HTT-AS: variants seen among roughly 807,000 people sequenced by gnomAD.
HTT-AS encodes HTT antisense RNA (head to head).
At chr4:3,068,455 C>T (rs569895211) in intron 1 of HTT-AS, among the ~76,000 whole-genome samples, 2 of 152,098 alleles carry the variant, frequency 1.3e-5, no homozygotes, top group South Asian at 2.1e-4. Context: ...GAAAGATTTC[C>T]GCAATAGAAG....
At chr4:3,071,816 C>T (rs1471220062) in intron 1 of HTT-AS, among the ~76,000 whole-genome samples, 1 of 152,110 alleles carries the variant, frequency 6.6e-6, no homozygotes, top group African/African-American at 2.4e-5. Context: ...CGTGAGGACA[C>T]CAAGAAAGGC....
At chr4:3,058,268 G>A (rs1484667260) in intron 2 of HTT-AS, among the ~76,000 whole-genome samples, 1 of 151,962 alleles carries the variant, frequency 6.6e-6, no homozygotes, top group African/African-American at 2.4e-5. Flanking sequence ...CGAGGTTGTG[G>A]TGAGCCGAGA....
intron 1 of HTT-AS, among the ~76,000 whole-genome samples, chr4:3,069,150 GTTT>G (rs35603397): frequency 6.9e-6 from 1 of 144,534 alleles, no homozygotes. Flanking sequence ...AACGGTGTAT[GTTT>G]TTTTTTTTTT....
intron 1 of HTT-AS, among the ~76,000 whole-genome samples, chr4:3,068,915 A>G (rs534259311): frequency 4.6e-5 from 7 of 152,078 alleles, no homozygotes; most frequent in Non-Finnish European, 8.8e-5. Flanking sequence ...TGGGCCTCCC[A>G]AAGTGCTAGG....
intron 1 of HTT-AS, among the ~76,000 whole-genome samples, chr4:3,066,378 C>T (rs1461793599): frequency 6.6e-6 from 1 of 152,270 alleles, no homozygotes; most frequent in East Asian, 1.9e-4. Flanking sequence ...CCATGTTGGC[C>T]AGGATGGTCT....
intron 2 of HTT-AS, among the ~76,000 whole-genome samples, chr4:3,059,672 C>T (rs969805044): frequency 2.0e-5 from 3 of 152,010 alleles, no homozygotes; most frequent in Non-Finnish European, 4.4e-5. Flanking sequence ...CCACTGCAAC[C>T]TCCACCTCCC....
chr4:3,069,708 G>A (rs1488990214), intron 1 of HTT-AS, among the ~76,000 whole-genome samples: 14 of 152,176 alleles, frequency 9.2e-5, no homozygotes, highest in African/African-American at 2.9e-4. Context: ...CGCCCCCGCC[G>A]CTGTCCTGCG....
intron 2 of HTT-AS, among the ~76,000 whole-genome samples, chr4:3,054,757 C>T (rs1274579915): frequency 2.0e-5 from 3 of 151,646 alleles, no homozygotes; most frequent in African/African-American, 7.3e-5. Flanking sequence ...CTCTGTCACC[C>T]AGGCTGGAGT....
In HTT-AS at chr4:3,073,104, G is replaced by A. The variant is rs58848332; in HGVS notation, n.113+1322C>T. Among the ~76,000 whole-genome samples, 22 of 152,322 alleles carry A rather than the reference G, an allele frequency of 1.4e-4. No individual in the cohort carries two copies. In the East Asian group the frequency reaches 3.9e-3, roughly 27 times the overall value. On this transcript the variant is annotated intron_variant and non_coding_transcript_variant, in intron 1 of 2. Coordinates refer to ENST00000664062, the Ensembl canonical transcript of HTT-AS. ...TGCTGTCCTTCTCAAGAAAAGGGAG[G>A]CTACTGCTACCCCACTGGGGACAAT... is the stretch of plus-strand genomic sequence containing the variant.
exon 2 of HTT-AS, among the ~76,000 whole-genome samples, chr4:3,062,701 G>A (rs535133517): frequency 2.6e-4 from 39 of 151,798 alleles, no homozygotes; most frequent in Middle Eastern, 6.8e-3. Flanking sequence ...GGGTAAGTGC[G>A]GTTCTCTGGA....
intron 2 of HTT-AS, among the ~76,000 whole-genome samples, chr4:3,058,360 A>T (rs1265852211): frequency 6.6e-6 from 1 of 152,140 alleles, no homozygotes; most frequent in Non-Finnish European, 1.5e-5. Flanking sequence ...ATATAGGGTA[A>T]CTTCTATATG....
At chr4:3,061,986 T>C in intron 2 of HTT-AS, among the ~76,000 whole-genome samples, 1 of 63,420 alleles carries the variant, frequency 1.6e-5, no homozygotes, top group Admixed American at 2.1e-4. Context: ...TATCTCAAAT[T>C]AAAAAAAAAA....
rs375651285 is a variant in HTT-AS, at chr4:3,066,182, T to G, written n.114-2482A>C. Among the ~76,000 whole-genome samples the G allele has an allele frequency of 2.0e-5, 3 of 152,250 alleles. No homozygotes were observed. The East Asian group carries it at 5.8e-4, about 29-fold the overall frequency. ...CTGGAAGGCTGAGCTAAGCCTCCTT[T>G]TTTTTTGAGGTGGCGTCTCACTCTG... On this transcript the variant is annotated intron_variant and non_coding_transcript_variant, in intron 1 of 2. Transcript: ENST00000664062.
At chr4:3,061,473 G>C (rs1302208392) in intron 2 of HTT-AS, among the ~76,000 whole-genome samples, 3 of 152,100 alleles carry the variant, frequency 2.0e-5, no homozygotes, top group Non-Finnish European at 4.4e-5. Flanking sequence ...CTGAGGTCAG[G>C]AGTTTGAGAG....
chr4:3,069,537 T>C (rs564207124), intron 1 of HTT-AS, among the ~76,000 whole-genome samples: 4 of 152,184 alleles, frequency 2.6e-5, no homozygotes, highest in East Asian at 1.9e-4. Context: ...GCTGGTAGGA[T>C]ATACAGAAAG....
chr4:3,057,365 C>T (rs1711824752), intron 2 of HTT-AS, among the ~76,000 whole-genome samples: 1 of 152,074 alleles, frequency 6.6e-6, no homozygotes, highest in African/African-American at 2.4e-5. Context: ...GCATAATGAC[C>T]TCAAGGTTCA....
chr4:3,064,526 T>C (rs1163587051), intron 1 of HTT-AS, among the ~76,000 whole-genome samples: 1 of 152,208 alleles, frequency 6.6e-6, no homozygotes, highest in Non-Finnish European at 1.5e-5. Flanking sequence ...AGATAATGAA[T>C]ACTTTGCAGA....
At position 3,051,030 on chromosome 4, in the gene HTT-AS, TTGTGTGTG is replaced by T. The variant is rs59615689; in HGVS notation, n.1381-1340_1381-1333del. On this transcript the variant is annotated intron_variant and non_coding_transcript_variant, in intron 2 of 2. Coordinates refer to ENST00000664062, the Ensembl canonical transcript of HTT-AS. Reference sequence around the variant, plus strand: ...TAAACCTTTTATAATCCCTTACAATTTGTGTGTGTGTGTGTGTGTGTGTGTGTGTGTGT... The same window carrying T: ...TAAACCTTTTATAATCCCTTACAATTTGTGTGTGTGTGTGTGTGTGTGTGT... 4.1e-3 allele frequency among the ~76,000 whole-genome samples: 506 copies of T among 122,552 alleles called. 4 individuals carry two copies. Among genetic ancestry groups the T allele is most frequent in the South Asian group, 0.011 (37 of 3,316 alleles). The allele number at this position is 122,552 out of a possible 152,430, so 80.4% of individuals were successfully genotyped here.
chr4:3,052,468 T>A (rs1246880522), intron 2 of HTT-AS, among the ~76,000 whole-genome samples: 1 of 152,238 alleles, frequency 6.6e-6, no homozygotes, highest in Non-Finnish European at 1.5e-5. Flanking sequence ...TCTGTTTTAC[T>A]CATGAAACCC....
Sources: allele counts gnomAD v4.1 joint callset (sites outside exome capture counted in the v4.1 genomes callset), GRCh38; gene constraint gnomAD v4.1.1; transcripts MANE v1.5; gene names NCBI Gene and HGNC (gene_info 2026-07-23, HGNC 2026-07-21).